Variants in NOP58 observed in about 807,000 individuals in gnomAD.
The protein encoded by NOP58 is NOP58 ribonucleoprotein.
Under a neutral mutation model 71.2 loss-of-function variants are expected in NOP58, and 44 were observed. The ratio of observed to expected loss-of-function variants is 0.62; its 90% CI spans 0.49 to 0.79. The LOEUF (loss-of-function observed/expected upper bound fraction) is 0.79. Ranked by LOEUF, NOP58 falls within the 30% of genes least tolerant of loss-of-function variation. NOP58 has a pLI of 0.00. For missense variants in NOP58, 538 were observed against 620.2 expected, an observed-to-expected ratio of 0.87 and a Z score of 1.41; for synonymous variants, 228 against 200.3, an observed-to-expected ratio of 1.14 and a Z score of -1.17.
At chr2:202,289,653 A>T (rs576613396) in intron 6 of NOP58, among the ~76,000 whole-genome samples, 1 of 152,360 alleles carries the variant, frequency 6.6e-6, no homozygotes, top group African/African-American at 2.4e-5. Flanking sequence ...TGAAATTCTG[A>T]TACATATTTC....
At position 202,300,436 on chromosome 2, in the gene NOP58, T is replaced by C. The variant is rs148846780; in HGVS notation, c.1402+69T>C. 177 of 1,280,322 alleles carry C rather than the reference T, an allele frequency of 1.4e-4. No homozygotes were observed. In the African/African-American group the frequency reaches 2.1e-3, roughly 15 times the overall value. 79.3% of individuals were successfully genotyped at this position (1,280,322 alleles called of 1,614,324 possible). On this transcript the variant is annotated intron_variant, in intron 13 of 14. Coordinates refer to ENST00000264279, the MANE Select transcript of NOP58 (RefSeq NM_015934.5). ...TTAGAACTGTGGATTTTGTGAGTCT[T>C]AAAAGTACATGCCATCCCACTTTAT...
intron 1 of NOP58, among the ~76,000 whole-genome samples, chr2:202,274,302 A>G (rs927568012): frequency 6.6e-6 from 1 of 151,708 alleles, no homozygotes; most frequent in African/African-American, 2.4e-5. Flanking sequence ...ATCTCGGCTC[A>G]CTGCAACCTC....
At chr2:202,278,074 A>G in intron 3 of NOP58, 72 bp downstream of exon 3, 1 of 955,908 alleles carries the variant, frequency 1.0e-6, no homozygotes, top group Non-Finnish European at 1.7e-6. Context: ...CTTGTTTAAA[A>G]GGTTGTTTGC....
chr2:202,282,588 T>A, intron 4 of NOP58, 116 bp downstream of exon 4: 1 of 1,030,158 alleles, frequency 9.7e-7, no homozygotes, highest in Non-Finnish European at 1.4e-6. Flanking sequence ...ATTTTTTTCT[T>A]TTCTCTAAGC....
At chr2:202,292,988 G>A in intron 9 of NOP58, 85 bp downstream of exon 9, 1 of 1,463,760 alleles carries the variant, frequency 6.8e-7, no homozygotes, top group Non-Finnish European at 9.6e-7. Flanking sequence ...AACTACAGCT[G>A]TTAAAGAAAT....
chr2:202,279,878 T>G (rs1688671989), intron 3 of NOP58, among the ~76,000 whole-genome samples: 1 of 152,180 alleles, frequency 6.6e-6, no homozygotes, highest in Admixed American at 6.5e-5. Flanking sequence ...CCCCCCAGTC[T>G]AAGCTCCATG....
chr2:202,284,115 C>A (rs1195102866), intron 4 of NOP58, among the ~76,000 whole-genome samples: 1 of 151,828 alleles, frequency 6.6e-6, no homozygotes, highest in Non-Finnish European at 1.5e-5. Flanking sequence ...AACCCCGTCT[C>A]TACTAAAAAT....
intron 10 of NOP58, among the ~76,000 whole-genome samples, chr2:202,296,505 T>C (rs542959785): frequency 5.9e-5 from 9 of 152,068 alleles, no homozygotes; most frequent in Admixed American, 5.9e-4. Context: ...CTGTCCTAAA[T>C]CTTCAGTAGC....
At chr2:202,292,727 C>G in intron 8 of NOP58, 50 bp from the exon 9 acceptor site, 1 of 1,490,862 alleles carries the variant, frequency 6.7e-7, no homozygotes, top group Non-Finnish European at 9.3e-7. Context: ...GGAATTTTTA[C>G]TGTTTTTACT....
Position 202,296,085 on chromosome 2 carries a change from C to T in NOP58, c.1071+248C>T, listed in dbSNP as rs112288428. ...AGTATTTTTTTCCCCCCTAGAATCT[C>T]CCTGTGGTTGGCACACTGAAAATAC... is the stretch of plus-strand genomic sequence containing the variant. On this transcript the variant is annotated intron_variant, in intron 10 of 14. Coordinates refer to ENST00000264279, the MANE Select transcript of NOP58 (RefSeq NM_015934.5). Among the ~76,000 whole-genome samples the T allele has an allele frequency of 2.4e-3, 358 of 152,194 alleles. 1 individual carries two copies. Among genetic ancestry groups the T allele is most frequent in the African/African-American group, 8.2e-3 (340 of 41,530 alleles).
chr2:202,289,325 G>A (rs1688848504), intron 6 of NOP58, among the ~76,000 whole-genome samples: 1 of 152,176 alleles, frequency 6.6e-6, no homozygotes, highest in African/African-American at 2.4e-5. Flanking sequence ...TCCCTAATCT[G>A]AAATTCAAAA....
At chr2:202,300,197 T>A (rs756767553) in intron 12 of NOP58, 37 bp from the exon 13 acceptor site, 1 of 1,525,390 alleles carries the variant, frequency 6.6e-7, no homozygotes, top group Non-Finnish European at 8.9e-7. Context: ...TTCCAGATAC[T>A]TGTTAGAGAT....
At chr2:202,292,398 T>C (rs893012307) in intron 8 of NOP58, among the ~76,000 whole-genome samples, 8 of 152,000 alleles carry the variant, frequency 5.3e-5, no homozygotes, top group East Asian at 1.9e-4. Flanking sequence ...AGCCATCTTA[T>C]AGAAAACTGA....
At chr2:202,279,925 C>T (rs1003202254) in intron 3 of NOP58, among the ~76,000 whole-genome samples, 9 of 152,102 alleles carry the variant, frequency 5.9e-5, no homozygotes, top group South Asian at 2.1e-4. Flanking sequence ...AATTCCTAGA[C>T]GCTAGCAAAG....
At chr2:202,268,906 C>A (rs1688468832) in intron 1 of NOP58, among the ~76,000 whole-genome samples, 1 of 152,044 alleles carries the variant, frequency 6.6e-6, no homozygotes, top group South Asian at 2.1e-4. Flanking sequence ...CTGCACCTGG[C>A]CTTGAAGTTT....
intron 13 of NOP58, 69 bp downstream of exon 13, chr2:202,300,436 T>TAA: frequency 2.3e-6 from 3 of 1,280,322 alleles, no homozygotes; most frequent in Non-Finnish European, 3.2e-6. Flanking sequence ...TTGTGAGTCT[T>TAA]AAAAGTACAT....
chr2:202,291,075 A>G, intron 7 of NOP58, 50 bp from the exon 8 acceptor site: 1 of 1,461,272 alleles, frequency 6.8e-7, no homozygotes, highest in South Asian at 1.5e-5. Flanking sequence ...TGGATTTTAT[A>G]TAATTTGTTG....
intron 1 of NOP58, 28 bp downstream of exon 1, chr2:202,266,014 G>A (rs1688407895): frequency 1.2e-6 from 2 of 1,613,108 alleles, no homozygotes. Flanking sequence ...CCGTTAAAGG[G>A]GGAAGGCGGA....
intron 1 of NOP58, 142 bp from the exon 2 acceptor site, chr2:202,274,971 G>T: frequency 1.8e-6 from 1 of 546,532 alleles, no homozygotes; most frequent in Non-Finnish European, 3.3e-6. Context: ...TTACATGCAG[G>T]GTAAGAAAAC....
Sources: gnomAD v4.1 joint callset for allele counts (sites outside exome capture counted in the v4.1 genomes callset) on GRCh38, gnomAD v4.1.1 for gene constraint, MANE v1.5 for transcripts, NCBI Gene and HGNC (gene_info 2026-07-23, HGNC 2026-07-21) for gene names.